Variants in BNC2 observed in about 807,000 individuals in gnomAD.
BNC2 encodes zinc finger protein basonuclin-2.
In BNC2, 20 loss-of-function variants were observed where a neutral mutation model predicts 76.3. That is an observed-to-expected ratio of 0.26 (90% CI 0.18 to 0.38). The LOEUF (loss-of-function observed/expected upper bound fraction) is 0.38. Ranked by LOEUF, BNC2 falls within the 10% of genes least tolerant of loss-of-function variation. The pLI, the probability that BNC2 is intolerant of heterozygous loss-of-function variation, is 1.00. For synonymous variants in BNC2, 582 were observed against 514.8 expected, an observed-to-expected ratio of 1.13 and a Z score of -1.77; for missense variants, 1,382 against 1,399.8, an observed-to-expected ratio of 0.99 and a Z score of 0.20.
At chr9:16,489,111 G>A (rs1352079808) in intron 5 of BNC2, among the ~76,000 whole-genome samples, 1 of 152,022 alleles carries the variant, frequency 6.6e-6, no homozygotes, top group African/African-American at 2.4e-5. Flanking sequence ...AGTAAAAGAG[G>A]CAAAACTTTT....
chr9:16,773,013 C>T (rs1283220714), intron 1 of BNC2, among the ~76,000 whole-genome samples: 6 of 152,114 alleles, frequency 3.9e-5, no homozygotes, highest in Admixed American at 3.3e-4. Context: ...AATAAGACTC[C>T]GGGTGCAAAG....
intron 2 of BNC2, among the ~76,000 whole-genome samples, chr9:16,737,690 A>G (rs561205230): frequency 1.6e-4 from 25 of 152,266 alleles, no homozygotes; most frequent in Admixed American, 1.4e-3. Flanking sequence ...AACAGAGCAA[A>G]TGTTCATGAA....
chr9:16,452,564 C>T (rs1290065340), intron 5 of BNC2, among the ~76,000 whole-genome samples: 2 of 152,108 alleles, frequency 1.3e-5, no homozygotes, highest in Non-Finnish European at 2.9e-5. Context: ...CGCCTGCTGC[C>T]ATGCCCGGCT....
intron 3 of BNC2, among the ~76,000 whole-genome samples, chr9:16,719,538 A>G (rs1277043223): frequency 1.3e-5 from 2 of 152,192 alleles, no homozygotes; most frequent in African/African-American, 4.8e-5. Context: ...TAGAGAACCA[A>G]TAGCCACTAA....
At position 16,856,347 on chromosome 9, in the gene BNC2, T is replaced by C. The variant is rs974545010; in HGVS notation, c.3+14299A>G. Among the ~76,000 whole-genome samples, 3 of 152,240 alleles carry C rather than the reference T, an allele frequency of 2.0e-5. No homozygotes were observed. The South Asian group carries it at 6.2e-4, about 32-fold the overall frequency. On this transcript the variant is annotated intron_variant, in intron 1 of 6. Coordinates refer to ENST00000380672, the MANE Select transcript of BNC2 (RefSeq NM_017637.6). ...TATCACTGTCCTTTGTACACAAATA[T>C]GTCATGTCAGCGACTGGTTGCTGTT... is the stretch of plus-strand genomic sequence containing the variant.
chr9:16,715,049 T>C (rs1823958103), intron 3 of BNC2, among the ~76,000 whole-genome samples: 1 of 152,178 alleles, frequency 6.6e-6, no homozygotes, highest in Non-Finnish European at 1.5e-5. Context: ...CATAATCAAT[T>C]GCTTGGTAAA....
intron 3 of BNC2, among the ~76,000 whole-genome samples, chr9:16,594,497 C>A (rs574888519): frequency 3.2e-4 from 49 of 152,204 alleles, no homozygotes; most frequent in African/African-American, 1.1e-3. Flanking sequence ...AGGTAGGTGA[C>A]CTTTTAACTA....
At chr9:16,568,235 T>C (rs1289168909) in intron 4 of BNC2, among the ~76,000 whole-genome samples, 1 of 152,188 alleles carries the variant, frequency 6.6e-6, no homozygotes, top group Non-Finnish European at 1.5e-5. Flanking sequence ...TCTTTAGGGA[T>C]TGTTTTTATG....
intron 6 of BNC2, among the ~76,000 whole-genome samples, chr9:16,434,085 G>A (rs1167855582): frequency 6.6e-6 from 1 of 152,026 alleles, no homozygotes; most frequent in Non-Finnish European, 1.5e-5. Flanking sequence ...CATGTTTACA[G>A]AACAAAGTAA....
chr9:16,719,246 G>A (rs927062175), intron 3 of BNC2, among the ~76,000 whole-genome samples: 2 of 152,022 alleles, frequency 1.3e-5, no homozygotes, highest in African/African-American at 4.8e-5. Context: ...GCGCAGTAGT[G>A]GGCAGCTTTC....
In BNC2 at chr9:16,612,124, A is replaced by G. The variant is rs1035249521; in HGVS notation, c.331-29039T>C. Among the ~76,000 whole-genome samples the G allele has an allele frequency of 5.9e-5, 9 of 151,962 alleles. No homozygotes were observed. The East Asian group carries it at 1.2e-3, about 20-fold the overall frequency. On this transcript the variant is annotated intron_variant, in intron 3 of 6. Transcript: ENST00000380672. ...AAGCTCAAATTGTGAATTGTGCAAC[A>G]AAGTGTTATATGCAATAAAATGTGG... is the stretch of plus-strand genomic sequence containing the variant.
chr9:16,715,965 C>G (rs1336553049), intron 3 of BNC2, among the ~76,000 whole-genome samples: 1 of 152,134 alleles, frequency 6.6e-6, no homozygotes, highest in East Asian at 1.9e-4. Context: ...TTCGTGCAAA[C>G]CAAAGGAAAC....
intron 1 of BNC2, among the ~76,000 whole-genome samples, chr9:16,786,824 A>C (rs1284026477): frequency 6.6e-6 from 1 of 152,110 alleles, no homozygotes; most frequent in East Asian, 1.9e-4. Flanking sequence ...TCTGCGGCAC[A>C]ATAACTCCCA....
intron 5 of BNC2, among the ~76,000 whole-genome samples, chr9:16,532,548 A>G (rs1818014886): frequency 6.6e-6 from 1 of 152,212 alleles, no homozygotes; most frequent in African/African-American, 2.4e-5. Context: ...ATGCCAGCCT[A>G]TGAGAGCTGA....
intron 5 of BNC2, among the ~76,000 whole-genome samples, chr9:16,511,687 C>A (rs185914231): frequency 1.9e-3 from 288 of 152,122 alleles, no homozygotes; most frequent in South Asian, 2.9e-3. Context: ...CCTCAGCCCC[C>A]CAAAGTGCTG....
At chr9:16,843,379 G>C (rs1279611718) in intron 1 of BNC2, among the ~76,000 whole-genome samples, 4 of 152,238 alleles carry the variant, frequency 2.6e-5, no homozygotes, top group African/African-American at 9.6e-5. Context: ...GCCTAGGCTG[G>C]AGTGCAGTGG....
intron 1 of BNC2, among the ~76,000 whole-genome samples, chr9:16,766,731 C>T (rs1266052122): frequency 6.6e-6 from 1 of 152,158 alleles, no homozygotes; most frequent in Non-Finnish European, 1.5e-5. Context: ...GGCTACAGGT[C>T]CTGTTGGAGT....
At chr9:16,465,267 C>T (rs1414689018) in intron 5 of BNC2, among the ~76,000 whole-genome samples, 3 of 152,066 alleles carry the variant, frequency 2.0e-5, no homozygotes, top group Admixed American at 1.3e-4. Flanking sequence ...AAAACCCCAT[C>T]TCTACTAAAA....
At chr9:16,807,586 T>C (rs1354119657) in intron 1 of BNC2, among the ~76,000 whole-genome samples, 1 of 152,008 alleles carries the variant, frequency 6.6e-6, no homozygotes, top group East Asian at 1.9e-4. Flanking sequence ...AAATGCTCCA[T>C]GAAGAGAGGG....
Sources: allele counts gnomAD v4.1 joint callset (sites outside exome capture counted in the v4.1 genomes callset), GRCh38; gene constraint gnomAD v4.1.1; transcripts MANE v1.5; gene names NCBI Gene and HGNC (gene_info 2026-07-23, HGNC 2026-07-21).